RBMS3: variants seen among roughly 807,000 people sequenced by gnomAD.
RBMS3 encodes RNA-binding motif, single-stranded-interacting protein 3.
RBMS3 carries 27 observed loss-of-function variants against 66.8 expected under a neutral mutation model. That is an observed-to-expected ratio of 0.40 (90% CI 0.30 to 0.56). The LOEUF (loss-of-function observed/expected upper bound fraction) is 0.56, where lower values mean the gene tolerates loss of function less well. Ranked by LOEUF, RBMS3 falls within the 20% of genes least tolerant of loss-of-function variation. RBMS3 has a pLI of 0.40. For synonymous variants in RBMS3, 188 were observed against 183.0 expected (o/e 1.03, Z -0.22); for missense variants, 513 against 549.5 (o/e 0.93, Z 0.66).
rs1174335162 is a variant in RBMS3, at chr3:29,631,125, TTC to T, written c.399+43924_399+43925del. Among the ~76,000 whole-genome samples, 3 of 151,988 alleles carry T rather than the reference TTC, an allele frequency of 2.0e-5. 1 individual carries two copies. In the East Asian group the frequency reaches 5.8e-4, roughly 29 times the overall value. On this transcript the variant is annotated intron_variant, in intron 4 of 14. Transcript: ENST00000383767. Reference sequence around the variant, plus strand: ...AGTGACTCAGAAAGTCAGAAACTTTTTCTCTTTCTCCTAATTGCATTATAACT... The same window carrying T: ...AGTGACTCAGAAAGTCAGAAACTTTTTCTTTCTCCTAATTGCATTATAACT...
chr3:29,413,676 A>G (rs1053268549), intron 1 of RBMS3, among the ~76,000 whole-genome samples: 11 of 152,166 alleles, frequency 7.2e-5, no homozygotes, highest in African/African-American at 2.4e-4. Flanking sequence ...TTCACATAAG[A>G]CATAGGAGGT....
intron 1 of RBMS3, among the ~76,000 whole-genome samples, chr3:29,382,094 C>T (rs1028340938): frequency 6.6e-6 from 1 of 152,064 alleles, no homozygotes; most frequent in African/African-American, 2.4e-5. Context: ...GAATCATACC[C>T]CTAATAAAGA....
At chr3:29,499,681 C>A (rs1007178722) in intron 3 of RBMS3, among the ~76,000 whole-genome samples, 1 of 152,206 alleles carries the variant, frequency 6.6e-6, no homozygotes, top group African/African-American at 2.4e-5. Context: ...ATTCAGCGGA[C>A]ACCAGCCCTG....
chr3:29,754,883 C>T (rs776423344), intron 5 of RBMS3, among the ~76,000 whole-genome samples: 19 of 152,146 alleles, frequency 1.2e-4, no homozygotes, highest in Non-Finnish European at 2.4e-4. Context: ...TGGTCAGGAA[C>T]AAAAATGCCT....
At chr3:29,752,250 T>G (rs1595901) in intron 5 of RBMS3, among the ~76,000 whole-genome samples, 73,804 of 152,020 alleles carry the variant, frequency 0.49, 18,697 homozygotes, top group African/African-American at 0.63. Context: ...GCCATCCCTC[T>G]GAAGTCAAGC....
intron 3 of RBMS3, among the ~76,000 whole-genome samples, chr3:29,496,178 G>A (rs1181778744): frequency 2.3e-5 from 3 of 132,648 alleles, no homozygotes; most frequent in Non-Finnish European, 3.1e-5. Flanking sequence ...ATGGGATTAG[G>A]TATACCCCGC....
chr3:29,688,331 G>T (rs1444013420), intron 4 of RBMS3, among the ~76,000 whole-genome samples: 2 of 152,042 alleles, frequency 1.3e-5, no homozygotes, highest in African/African-American at 4.8e-5. Context: ...AAGTTGAAGA[G>T]CTTAATGCAC....
At chr3:29,408,524 A>G (rs776461957) in intron 1 of RBMS3, among the ~76,000 whole-genome samples, 3 of 152,140 alleles carry the variant, frequency 2.0e-5, no homozygotes, top group Non-Finnish European at 4.4e-5. Context: ...TTTGTACTTA[A>G]TTGTTACAGA....
intron 1 of RBMS3, among the ~76,000 whole-genome samples, chr3:29,290,136 G>T (rs2032698107): frequency 6.6e-6 from 1 of 151,814 alleles, no homozygotes; most frequent in Non-Finnish European, 1.5e-5. Flanking sequence ...GTCGATGTCT[G>T]TAAATTCTCA....
chr3:29,779,706 A>T (rs1375548297), intron 6 of RBMS3, among the ~76,000 whole-genome samples: 6 of 106,988 alleles, frequency 5.6e-5, no homozygotes, highest in Non-Finnish European at 1.1e-4. Context: ...ATTAAGATGA[A>T]ATATATATAT....
chr3:29,739,256 A>T (rs2054517429), intron 4 of RBMS3, among the ~76,000 whole-genome samples: 1 of 152,130 alleles, frequency 6.6e-6, no homozygotes, highest in Non-Finnish European at 1.5e-5. Context: ...GGAGATGGAG[A>T]CCATCCTGGC....
intron 7 of RBMS3, among the ~76,000 whole-genome samples, chr3:29,882,189 G>A (rs542634063): frequency 1.3e-5 from 2 of 152,202 alleles, no homozygotes; most frequent in Admixed American, 1.3e-4. Flanking sequence ...GTCCTAGACA[G>A]CTCCATTCTG....
chr3:29,485,509 G>A (rs2048991192), intron 2 of RBMS3, among the ~76,000 whole-genome samples: 1 of 152,272 alleles, frequency 6.6e-6, no homozygotes, highest in Middle Eastern at 3.4e-3. Flanking sequence ...GATAGTTGGT[G>A]AATATGTAGG....
At chr3:29,950,317 G>A (rs948082180) in intron 12 of RBMS3, among the ~76,000 whole-genome samples, 4 of 151,804 alleles carry the variant, frequency 2.6e-5, no homozygotes, top group East Asian at 1.9e-4. Context: ...AAAGCATCCC[G>A]CAGCAGCAGC....
intron 4 of RBMS3, among the ~76,000 whole-genome samples, chr3:29,657,275 G>A (rs183393425): frequency 6.1e-4 from 93 of 152,316 alleles, no homozygotes; most frequent in South Asian, 2.3e-3. Flanking sequence ...GCTGGAGATG[G>A]AATTTGTCAT....
intron 14 of RBMS3, among the ~76,000 whole-genome samples, chr3:29,993,927 A>C (rs2371910): frequency 1.3e-5 from 2 of 151,954 alleles, no homozygotes; most frequent in African/African-American, 2.4e-5. Flanking sequence ...GGGGGGAGGA[A>C]CCAAGATGGC....
chr3:29,338,525 C>G (rs2036085139), intron 1 of RBMS3, among the ~76,000 whole-genome samples: 1 of 152,138 alleles, frequency 6.6e-6, no homozygotes, highest in Non-Finnish European at 1.5e-5. Flanking sequence ...TCTCAGATTT[C>G]TGCTCAGACT....
chr3:29,943,062 T>A (rs1392178939), intron 11 of RBMS3, among the ~76,000 whole-genome samples: 1 of 151,792 alleles, frequency 6.6e-6, no homozygotes, highest in Non-Finnish European at 1.5e-5. Flanking sequence ...CCTTGCAATG[T>A]TCAAGTTCTA....
chr3:29,755,022 C>A (rs1188569609), intron 5 of RBMS3, among the ~76,000 whole-genome samples: 1 of 152,104 alleles, frequency 6.6e-6, no homozygotes, highest in Non-Finnish European at 1.5e-5. Context: ...AGCTATTTTT[C>A]TTTTCTCAAT....
Sources: gnomAD v4.1 joint callset for allele counts (sites outside exome capture counted in the v4.1 genomes callset) on GRCh38, gnomAD v4.1.1 for gene constraint, MANE v1.5 for transcripts, NCBI Gene and HGNC (gene_info 2026-07-23, HGNC 2026-07-21) for gene names.